The following SRD5A2 variants were observed in gnomAD, a reference collection of about 807,000 sequenced individuals.
SRD5A2 encodes the protein 3-oxo-5-alpha-steroid 4-dehydrogenase 2.
In SRD5A2, 30 loss-of-function variants were observed where a neutral mutation model predicts 27.4. The observed-to-expected ratio is 1.10, with a 90% confidence interval of 0.82 to 1.49. The LOEUF (loss-of-function observed/expected upper bound fraction) is 1.49, where lower values mean the gene tolerates loss of function less well. SRD5A2 is among the 40% of genes most tolerant of loss of function. The pLI is 0.00. For synonymous variants in SRD5A2, 141 were observed against 133.6 expected, an observed-to-expected ratio of 1.06 and a Z score of -0.38; for missense variants, 348 against 323.4, an observed-to-expected ratio of 1.08 and a Z score of -0.58.
At chr2:31,560,068 C>T (rs28686905) in intron 1 of SRD5A2, among the ~76,000 whole-genome samples, 123 of 76,222 alleles carry the variant, frequency 1.6e-3, no homozygotes, top group Middle Eastern at 7.2e-3. Flanking sequence ...CCCCCCCCCC[C>T]TTTTTTTAAA....
At chr2:31,575,454 C>G (rs1666937681) in intron 1 of SRD5A2, among the ~76,000 whole-genome samples, 1 of 152,156 alleles carries the variant, frequency 6.6e-6, no homozygotes, top group African/African-American at 2.4e-5. Context: ...GAAAGCCACA[C>G]TGCCTATTAT....
At chr2:31,661,224 T>C in the SRD5A2 span, among the ~76,000 whole-genome samples, 2 of 152,144 alleles carry the variant, frequency 1.3e-5, no homozygotes, top group African/African-American at 4.8e-5. Context: ...ACATACCATT[T>C]CCATTTGACA....
upstream of SRD5A2, among the ~76,000 whole-genome samples, chr2:31,583,078 G>A (rs1667108366): frequency 6.6e-6 from 1 of 152,154 alleles, no homozygotes. Flanking sequence ...CTGTGGGTTG[G>A]CTGTGGGTCA....
intron 1 of SRD5A2, among the ~76,000 whole-genome samples, chr2:31,537,276 C>A (rs1002925406): frequency 2.6e-5 from 4 of 152,092 alleles, no homozygotes; most frequent in African/African-American, 4.8e-5. Flanking sequence ...ACCCTGTAAC[C>A]TTGTTCATCT....
chr2:31,570,804 G>A (rs1010824267), intron 1 of SRD5A2, among the ~76,000 whole-genome samples: 1 of 151,998 alleles, frequency 6.6e-6, no homozygotes, highest in Non-Finnish European at 1.5e-5. Flanking sequence ...AAATACCTAG[G>A]AATACAACTA....
intron 2 of SRD5A2, among the ~76,000 whole-genome samples, chr2:31,532,994 T>C (rs1665947946): frequency 6.6e-6 from 1 of 152,142 alleles, no homozygotes; most frequent in Admixed American, 6.5e-5. Context: ...GTGGGCCACA[T>C]GCAGCCCAGG....
the SRD5A2 span, among the ~76,000 whole-genome samples, chr2:31,629,339 C>G: frequency 2.4e-4 from 36 of 152,144 alleles, no homozygotes; most frequent in African/African-American, 5.6e-4. Context: ...CGGCCCACCA[C>G]CATCTTGGGA....
At chr2:31,583,064 G>T (rs1009994704), upstream of SRD5A2, among the ~76,000 whole-genome samples, 6 of 152,136 alleles carry the variant, frequency 3.9e-5, no homozygotes, top group African/African-American at 1.4e-4. Flanking sequence ...TTCAGCTTAT[G>T]CATCTGTGGG....
At chr2:31,574,560 A>G (rs1399853503) in intron 1 of SRD5A2, among the ~76,000 whole-genome samples, 1 of 152,174 alleles carries the variant, frequency 6.6e-6, no homozygotes, top group Non-Finnish European at 1.5e-5. Context: ...ATAGCTATAT[A>G]TTTTTCAGAT....
At chr2:31,619,246 C>T in the SRD5A2 span, among the ~76,000 whole-genome samples, 7 of 152,078 alleles carry the variant, frequency 4.6e-5, no homozygotes, top group African/African-American at 1.7e-4. Flanking sequence ...CTTTGGGAAA[C>T]AATTTGGCAG....
At chr2:31,616,785 G>T in the SRD5A2 span, among the ~76,000 whole-genome samples, 9 of 152,190 alleles carry the variant, frequency 5.9e-5, no homozygotes, top group Non-Finnish European at 1.2e-4. Flanking sequence ...TTGGGGGGCT[G>T]TTGGGAAGGC....
upstream of SRD5A2, among the ~76,000 whole-genome samples, chr2:31,581,377 G>A (rs899409732): frequency 1.3e-5 from 2 of 152,062 alleles, no homozygotes; most frequent in Non-Finnish European, 1.5e-5. Flanking sequence ...GGTTCCTCAT[G>A]CACTTTCACT....
the SRD5A2 span, among the ~76,000 whole-genome samples, chr2:31,639,258 A>G: frequency 2.0e-3 from 311 of 152,112 alleles, no homozygotes; most frequent in African/African-American, 6.8e-3. Context: ...TTTTACTTTT[A>G]GTTGTCTCAG....
At chr2:31,596,605 C>T in the SRD5A2 span, among the ~76,000 whole-genome samples, 1 of 151,986 alleles carries the variant, frequency 6.6e-6, no homozygotes, top group African/African-American at 2.4e-5. Context: ...AAGACTCATC[C>T]AAAAAGCTCC....
chr2:31,636,564 G>C, the SRD5A2 span, among the ~76,000 whole-genome samples: 2 of 152,066 alleles, frequency 1.3e-5, no homozygotes, highest in Non-Finnish European at 2.9e-5. Context: ...CCAGTCTTTA[G>C]AGGAAAGGTC....
At chr2:31,573,412 T>C (rs1415383090) in intron 1 of SRD5A2, among the ~76,000 whole-genome samples, 1 of 152,220 alleles carries the variant, frequency 6.6e-6, no homozygotes, top group East Asian at 1.9e-4. Flanking sequence ...GCTCCTGGGT[T>C]GAGCACAGAA....
intron 1 of SRD5A2, among the ~76,000 whole-genome samples, chr2:31,567,456 G>GTGTGTGTATA (rs143408801): frequency 2.4e-4 from 34 of 140,308 alleles, no homozygotes; most frequent in Admixed American, 5.7e-4. Flanking sequence ...GTGTGTGTGT[G>GTGTGTGTATA]TATATATATA....
At chr2:31,630,311 CAGAG>C in the SRD5A2 span, among the ~76,000 whole-genome samples, 7 of 147,530 alleles carry the variant, frequency 4.7e-5, no homozygotes, top group African/African-American at 1.2e-4. Context: ...GAGAGAGAGA[CAGAG>C]AGAGAGAGAG....
the SRD5A2 span, among the ~76,000 whole-genome samples, chr2:31,590,076 A>T: frequency 6.6e-6 from 1 of 151,940 alleles, no homozygotes; most frequent in Non-Finnish European, 1.5e-5. Context: ...TGGCTTAAGA[A>T]CCACCTCTCT....
Sources: gnomAD v4.1 joint callset for allele counts (sites outside exome capture counted in the v4.1 genomes callset) on GRCh38, gnomAD v4.1.1 for gene constraint, MANE v1.5 for transcripts, NCBI Gene and HGNC (gene_info 2026-07-23, HGNC 2026-07-21) for gene names.